The following LILRB1 variants were observed in gnomAD, a reference collection of about 807,000 sequenced individuals.
LILRB1 encodes the protein leukocyte immunoglobulin-like receptor subfamily B member 1.
A neutral mutation model predicts 74.6 loss-of-function variants in LILRB1; 59 were observed. That is an observed-to-expected ratio of 0.79 (90% CI 0.64 to 0.98). LILRB1 has a LOEUF of 0.98. Ranked by LOEUF, LILRB1 falls within the 50% of genes least tolerant of loss-of-function variation. The pLI, the probability that LILRB1 is intolerant of heterozygous loss-of-function variation, is 0.00. For synonymous variants in LILRB1, 328 were observed against 333.9 expected (o/e 0.98, Z 0.19); for missense variants, 804 against 822.6 (o/e 0.98, Z 0.28).
chr19:54,635,784 C>A (rs1184968914), intron 13 of LILRB1, 175 bp downstream of exon 13: 1 of 806,134 alleles, frequency 1.2e-6, no homozygotes, highest in Admixed American at 1.9e-5. Flanking sequence ...GTCCTGGGAC[C>A]TCGTGGGCCT....
rs1423077212 is a variant in LILRB1 at position 54,637,543 on chromosome 19, AAAAG to A, written c.*673_*676del. ...CATCTCAAATTAAAAAAAAAAAAAA[AAAAG>A]AAAGAAAAAGAGAAAAAAGAAATTT... On this transcript the variant is annotated 3_prime_UTR_variant, in exon 15 of 15. Transcript: ENST00000324602. 6 of 151,674 alleles carry A rather than the reference AAAAG, an allele frequency of 4.0e-5. No homozygotes were observed. Among genetic ancestry groups the A allele is most frequent in the Non-Finnish European group, 7.4e-5 (5 of 67,926 alleles). 9.4% of individuals were successfully genotyped at this position (151,674 alleles called of 1,614,324 possible). A position where few individuals can be genotyped will look rare whatever the true frequency, so the allele number is the denominator to read the frequency against.
chr19:54,618,906 A>G (rs1020528067), intron 1 of LILRB1, among the ~76,000 whole-genome samples: 2 of 152,198 alleles, frequency 1.3e-5, no homozygotes, highest in African/African-American at 4.8e-5. Flanking sequence ...TTATCAAGTA[A>G]ATGCAATGGA....
At position 54,633,953 on chromosome 19, in the gene LILRB1, C is replaced by A; in HGVS notation, c.1313-18C>A. ...GGAGCAGGGCAGCCCCAGCCCTCAC[C>A]TCCCCGTCCTGACCCAGCAGGCCCT... On this transcript the variant is annotated intron_variant, in intron 8 of 14. Coordinates refer to ENST00000324602, the MANE Select transcript of LILRB1 (RefSeq NM_001081637.3). 3.2e-6 allele frequency: 5 copies of A among 1,583,540 alleles called. No individual in the cohort carries two copies. Among genetic ancestry groups the A allele is most frequent in the Non-Finnish European group, 4.3e-6 (5 of 1,164,326 alleles).
At position 54,635,317 on chromosome 19, in the gene LILRB1, A is replaced by T; in HGVS notation, c.1600+21A>T. 6 of 1,612,918 alleles carry T rather than the reference A, an allele frequency of 3.7e-6. 1 individual carries two copies. The highest frequency in any genetic ancestry group is 5.1e-6 in the Non-Finnish European group (6 of 1,179,090). On this transcript the variant is annotated intron_variant, in intron 12 of 14. Coordinates refer to ENST00000324602, the MANE Select transcript of LILRB1 (RefSeq NM_001081637.3). Reference sequence around the variant, plus strand: ...CCTCTGTGAGTGAGAGGAAGAGGTGACCAGCCAGGAGGGAGATGGGGGCCC... The same window carrying T: ...CCTCTGTGAGTGAGAGGAAGAGGTGTCCAGCCAGGAGGGAGATGGGGGCCC...
chr19:54,625,168 G>A (rs1250503786), intron 1 of LILRB1, among the ~76,000 whole-genome samples: 5 of 141,688 alleles, frequency 3.5e-5, no homozygotes, highest in African/African-American at 1.3e-4. Context: ...CTTTCAGAGG[G>A]CACTGAGCCA....
chr19:54,635,515 G>A (rs754062682), intron 12 of LILRB1, 42 bp from the exon 13 acceptor site: 2 of 1,591,140 alleles, frequency 1.3e-6, no homozygotes, highest in Non-Finnish European at 1.7e-6. Flanking sequence ...GAGGTCCCAG[G>A]GAACCTTCCC....
At chr19:54,633,471 C>A (rs531833014) in intron 7 of LILRB1, among the ~76,000 whole-genome samples, 153 bp downstream of exon 7, 1 of 152,304 alleles carries the variant, frequency 6.6e-6, no homozygotes, top group South Asian at 2.1e-4. Flanking sequence ...GAACAGGGCC[C>A]TCCCAGGCCT....
In LILRB1 at chr19:54,634,331, A is replaced by G. The variant is rs2363870; in HGVS notation, c.1363+310A>G. Reference sequence around the variant, plus strand: ...TGGGGCAGGGGAGGGGAGAAGAGTCATGGTTCAGGACGGTCAGGCTCTTTC... The same window carrying G: ...TGGGGCAGGGGAGGGGAGAAGAGTCGTGGTTCAGGACGGTCAGGCTCTTTC... On this transcript the variant is annotated intron_variant, in intron 9 of 14. Coordinates refer to ENST00000324602, the MANE Select transcript of LILRB1 (RefSeq NM_001081637.3). The G allele has an allele frequency of 2.6e-3, 3,986 of 1,514,600 alleles. 78 individuals carry two copies. In the African/African-American group the frequency reaches 0.04, roughly 15 times the overall value. 93.8% of individuals were successfully genotyped at this position (1,514,600 alleles called of 1,614,324 possible). A position where few individuals can be genotyped will look rare whatever the true frequency, so the allele number is the denominator to read the frequency against.
upstream of LILRB1, among the ~76,000 whole-genome samples, chr19:54,625,851 T>C (rs2013795): frequency 0.7 from 90,612 of 129,870 alleles, 32,600 homozygotes; most frequent in South Asian, 0.77. Context: ...TAGGGACTCT[T>C]TCATTCACTC....
rs982853962 is a variant in LILRB1, at chr19:54,637,528, T to TAAAAAAAAAAA, written c.*658_*668dup. On this transcript the variant is annotated 3_prime_UTR_variant, in exon 15 of 15. Transcript: ENST00000324602. ...GACAGAGGGAGACTCCATCTCAAAT[T>TAAAAAAAAAAA]AAAAAAAAAAAAAAAAAAGAAAGAA... is the stretch of plus-strand genomic sequence containing the variant. The TAAAAAAAAAAA allele has an allele frequency of 1.3e-5, 1 of 78,648 alleles. No individual in the cohort carries two copies. The highest frequency in any genetic ancestry group is 2.8e-5 in the Non-Finnish European group (1 of 35,300). The allele number at this position is 78,648 out of a possible 1,614,324, so 4.9% of individuals were successfully genotyped here. A position where few individuals can be genotyped will look rare whatever the true frequency, so the allele number is the denominator to read the frequency against.
At chr19:54,633,594 A>C in intron 7 of LILRB1, 44 bp from the exon 8 acceptor site, 12 of 1,584,836 alleles carry the variant, frequency 7.6e-6, no homozygotes, top group Non-Finnish European at 1.0e-5. Context: ...TGGAGACTTC[A>C]GGAAAGCCCC....
chr19:54,633,145 C>T lies in LILRB1; in HGVS notation c.1088C>T (p.Ala363Val), dbSNP rs1476862925. The T allele has an allele frequency of 5.0e-6, 8 of 1,614,274 alleles. No individual in the cohort carries two copies. Among genetic ancestry groups the T allele is most frequent in the Non-Finnish European group, 6.8e-6 (8 of 1,180,044 alleles). The change falls in exon 7 of 15, where the codon GCT becomes GTT. Residue 363 changes from alanine (A) to valine (V), a missense_variant. By Grantham distance (64) the Ala-to-Val change is moderately conservative. Transcript: ENST00000324602. ...QTFLLTKEGA[A>V]DDPWRLRSTY... Reference sequence around the variant, plus strand: ...TTCCTTCTGACCAAGGAGGGGGCAGCTGATGACCCATGGCGTCTAAGATCA... The same window carrying T: ...TTCCTTCTGACCAAGGAGGGGGCAGTTGATGACCCATGGCGTCTAAGATCA...
chr19:54,628,801 G>A (rs757619099), upstream of LILRB1, among the ~76,000 whole-genome samples: 11 of 152,146 alleles, frequency 7.2e-5, no homozygotes, highest in Non-Finnish European at 1.5e-4. Flanking sequence ...AGGGTCTTAA[G>A]AGCCACCATC....
At position 54,631,322 on chromosome 19, in the gene LILRB1, G is replaced by A; in HGVS notation, c.70+16G>A. 6.2e-7 allele frequency: 1 copy of A among 1,613,344 alleles called. No homozygotes were observed. The highest frequency in any genetic ancestry group is 2.2e-5 in the East Asian group (1 of 44,876). ...GTGCAGGCAGGTGAGTCTGTCCCCA[G>A]CTCTTCCAGGTCCCTCCTCCTCACT... On this transcript the variant is annotated intron_variant, in intron 3 of 14. Coordinates refer to ENST00000324602, the MANE Select transcript of LILRB1 (RefSeq NM_001081637.3).
At position 54,630,615 on chromosome 19, in the gene LILRB1, T is replaced by G; in HGVS notation, c.-67T>G. 2 of 850,714 alleles carry G rather than the reference T, an allele frequency of 2.4e-6. No individual in the cohort carries two copies. Among genetic ancestry groups the G allele is most frequent in the Non-Finnish European group, 3.7e-6 (2 of 541,698 alleles). The allele number at this position is 850,714 out of a possible 1,614,324, so 52.7% of individuals were successfully genotyped here. On this transcript the variant is annotated 5_prime_UTR_variant, in exon 1 of 15. Coordinates refer to ENST00000324602, the MANE Select transcript of LILRB1 (RefSeq NM_001081637.3). ...GTCTTCCCTGAAGCATCTCCAGGGC[T>G]GGAGGGACGACTGCCATGGTAAGGA...
upstream of LILRB1, among the ~76,000 whole-genome samples, chr19:54,627,713 A>G (rs74727989): frequency 0.033 from 5,037 of 152,028 alleles, 105 homozygotes; most frequent in South Asian, 0.056. Flanking sequence ...CTTGTTGCTG[A>G]TAAGAACTTC....
chr19:54,637,811 GTT>G lies in LILRB1; in HGVS notation c.*936_*937del, dbSNP rs2064558317. On this transcript the variant is annotated 3_prime_UTR_variant, in exon 15 of 15. Coordinates refer to ENST00000324602, the MANE Select transcript of LILRB1 (RefSeq NM_001081637.3). ...AGACAGCCCTACAGATCGTACACAC[GTT>G]TTCCAAAACTAACAATGGAACAGGC... Among the ~76,000 whole-genome samples, 1 of 152,134 alleles carries G rather than the reference GTT, an allele frequency of 6.6e-6. No individual in the cohort carries two copies. The highest frequency in any genetic ancestry group is 1.5e-5 in the Non-Finnish European group (1 of 68,024).
chr19:54,636,962 C>T lies in LILRB1; in HGVS notation c.*84C>T. ...CCCCAGTGGACACCATTGGACCCCA[C>T]CCAGCCTGGATCTACCCCAGGAGAC... is the stretch of plus-strand genomic sequence containing the variant. On this transcript the variant is annotated 3_prime_UTR_variant, in exon 15 of 15. Transcript: ENST00000324602. The T allele has an allele frequency of 1.3e-6, 2 of 1,564,336 alleles. No individual in the cohort carries two copies. The highest frequency in any genetic ancestry group is 3.5e-5 in the Admixed American group (2 of 57,762).
Position 54,632,230 on chromosome 19 carries a change from G to C in LILRB1, c.654G>C (p.Leu218=). ...TACCCAGTGATCTCCTGGAGCTCCT[G>C]GTCCTAGGTGAGAAATTCACAGCAT... ...WSLPSDLLEL[L]VLGVSKKPSL... is the part of the protein sequence containing the mutation. The change falls in exon 5 of 15, where the codon CTG becomes CTC. Residue 218 remains leucine (L), a synonymous_variant. Coordinates refer to ENST00000324602, the MANE Select transcript of LILRB1 (RefSeq NM_001081637.3). 1 of 1,611,760 alleles carries C rather than the reference G, an allele frequency of 6.2e-7. No homozygotes were observed. The highest frequency in any genetic ancestry group is 1.1e-5 in the South Asian group (1 of 91,048).
Sources: allele counts gnomAD v4.1 joint callset (sites outside exome capture counted in the v4.1 genomes callset), GRCh38; gene constraint gnomAD v4.1.1; transcripts MANE v1.5; gene names NCBI Gene and HGNC (gene_info 2026-07-23, HGNC 2026-07-21).